The following NAALADL2 variants were observed in gnomAD, a reference collection of about 807,000 sequenced individuals.
The protein encoded by NAALADL2 is N-acetylated alpha-linked acidic dipeptidase like 2, also known as inactive N-acetylated-alpha-linked acidic dipeptidase-like protein 2.
NAALADL2 carries 76 observed loss-of-function variants against 87.2 expected under a neutral mutation model. That is an observed-to-expected ratio of 0.87 (90% CI 0.72 to 1.05). The LOEUF is 1.05. Among genes scored for constraint, NAALADL2 ranks in the 50% least tolerant of loss-of-function variants. The probability of loss-of-function intolerance (pLI) is 0.00; values close to 1 mark genes in which losing one functional copy is unlikely to be tolerated. For synonymous variants in NAALADL2, 354 were observed against 331.0 expected, an observed-to-expected ratio of 1.07 and a Z score of -0.75; for missense variants, 1,089 against 945.8, an observed-to-expected ratio of 1.15 and a Z score of -1.99.
intron 1 of NAALADL2, among the ~76,000 whole-genome samples, chr3:174,999,743 G>C (rs1291066050): frequency 6.6e-6 from 1 of 152,142 alleles, no homozygotes; most frequent in Non-Finnish European, 1.5e-5. Flanking sequence ...AACTGAGACT[G>C]TTCAAACTTT....
intron 1 of NAALADL2, among the ~76,000 whole-genome samples, chr3:174,453,430 T>C (rs1271294689): frequency 6.6e-6 from 1 of 152,000 alleles, no homozygotes; most frequent in Non-Finnish European, 1.5e-5. Flanking sequence ...CCCAGTAAAA[T>C]ACTTCACAAG....
At chr3:174,759,149 T>C (rs1712557456) in intron 3 of NAALADL2, among the ~76,000 whole-genome samples, 1 of 152,196 alleles carries the variant, frequency 6.6e-6, no homozygotes, top group Non-Finnish European at 1.5e-5. Flanking sequence ...CAAAATTATT[T>C]GTGTATTTTG....
At chr3:175,794,300 T>C (rs1204297619) in intron 13 of NAALADL2, among the ~76,000 whole-genome samples, 1 of 152,024 alleles carries the variant, frequency 6.6e-6, no homozygotes, top group Non-Finnish European at 1.5e-5. Flanking sequence ...AATATTGAGT[T>C]TGAGTTCATA....
At chr3:174,775,753 A>G (rs900375858) in intron 3 of NAALADL2, among the ~76,000 whole-genome samples, 1 of 152,072 alleles carries the variant, frequency 6.6e-6, no homozygotes, top group South Asian at 2.1e-4. Flanking sequence ...CCTCCCTTGC[A>G]CAGTTGTTGG....
chr3:175,715,389 G>A (rs1352571768), intron 11 of NAALADL2, among the ~76,000 whole-genome samples: 1 of 151,966 alleles, frequency 6.6e-6, no homozygotes, highest in Non-Finnish European at 1.5e-5. Flanking sequence ...TCTTTCTTTG[G>A]TCTATCTCTA....
chr3:175,368,818 C>T (rs1005266088), intron 5 of NAALADL2, among the ~76,000 whole-genome samples: 1 of 152,048 alleles, frequency 6.6e-6, no homozygotes, highest in African/African-American at 2.4e-5. Context: ...GTACTGAACA[C>T]TGTAGGCAAT....
At chr3:175,644,611 G>T (rs953850601) in intron 11 of NAALADL2, among the ~76,000 whole-genome samples, 1 of 152,088 alleles carries the variant, frequency 6.6e-6, no homozygotes, top group African/African-American at 2.4e-5. Context: ...TTTCTCATCT[G>T]TGTATGAACA....
chr3:175,255,717 T>A (rs1170491866), intron 3 of NAALADL2, among the ~76,000 whole-genome samples: 1 of 152,120 alleles, frequency 6.6e-6, no homozygotes. Context: ...GGCATGAGAT[T>A]TTTTCTTTTT....
At chr3:175,100,483 A>G (rs1477071880) in intron 2 of NAALADL2, among the ~76,000 whole-genome samples, 2 of 152,194 alleles carry the variant, frequency 1.3e-5, no homozygotes, top group Non-Finnish European at 2.9e-5. Context: ...CATTCAGAGA[A>G]TCCAGCCTCC....
chr3:174,876,816 G>T (rs1464191562), intron 1 of NAALADL2, among the ~76,000 whole-genome samples: 1 of 152,016 alleles, frequency 6.6e-6, no homozygotes, highest in East Asian at 1.9e-4. Flanking sequence ...AGTTGGCTTG[G>T]GCTGCTAAAA....
intron 5 of NAALADL2, among the ~76,000 whole-genome samples, chr3:175,389,519 CTG>C (rs760670835): frequency 6.6e-6 from 1 of 152,110 alleles, no homozygotes; most frequent in Non-Finnish European, 1.5e-5. Flanking sequence ...AATTAATCTA[CTG>C]TGTTTTATGA....
intron 3 of NAALADL2, among the ~76,000 whole-genome samples, chr3:174,820,486 A>G (rs1009865635): frequency 9.8e-5 from 15 of 152,320 alleles, no homozygotes; most frequent in African/African-American, 3.1e-4. Context: ...GGTCCTATAA[A>G]CAGTGAGTAT....
chr3:174,908,101 G>A (rs1733206129), intron 1 of NAALADL2, among the ~76,000 whole-genome samples: 1 of 133,790 alleles, frequency 7.5e-6, no homozygotes. Context: ...GTGCTGACTA[G>A]CTCTTGCTAG....
intron 2 of NAALADL2, among the ~76,000 whole-genome samples, chr3:175,194,789 T>C (rs1373098125): frequency 6.6e-6 from 1 of 151,818 alleles, no homozygotes; most frequent in Admixed American, 6.6e-5. Flanking sequence ...TAAGATTTTT[T>C]TCTATTTAAG....
At chr3:175,787,358 A>C (rs1752161516) in intron 13 of NAALADL2, among the ~76,000 whole-genome samples, 1 of 152,116 alleles carries the variant, frequency 6.6e-6, no homozygotes, top group Non-Finnish European at 1.5e-5. Context: ...GCTAGCAATC[A>C]GTGAGACTCC....
intron 3 of NAALADL2, among the ~76,000 whole-genome samples, chr3:174,798,071 T>C (rs1254855166): frequency 1.3e-5 from 2 of 152,216 alleles, no homozygotes; most frequent in Non-Finnish European, 2.9e-5. Context: ...TTCTCTAACA[T>C]GCGGATATTG....
chr3:175,175,031 T>G (rs1735505577), intron 2 of NAALADL2, among the ~76,000 whole-genome samples: 1 of 152,070 alleles, frequency 6.6e-6, no homozygotes, highest in African/African-American at 2.4e-5. Flanking sequence ...TTTTTTCTCT[T>G]CTGTTTTTCG....
chr3:174,492,527 T>C (rs1718267320), intron 1 of NAALADL2, among the ~76,000 whole-genome samples: 1 of 119,530 alleles, frequency 8.4e-6, no homozygotes, highest in South Asian at 3.7e-4. Flanking sequence ...GGACACCTAC[T>C]ATAGGTATTT....
intron 1 of NAALADL2, among the ~76,000 whole-genome samples, chr3:175,026,285 A>G (rs1752213713): frequency 6.6e-6 from 1 of 152,008 alleles, no homozygotes; most frequent in South Asian, 2.1e-4. Context: ...TTTGGAGACT[A>G]GTAAAATGTT....
Sources: allele counts gnomAD v4.1 joint callset (sites outside exome capture counted in the v4.1 genomes callset), GRCh38; gene constraint gnomAD v4.1.1; transcripts MANE v1.5; gene names NCBI Gene and HGNC (gene_info 2026-07-23, HGNC 2026-07-21).